The following TSC2 variants were observed in gnomAD, a reference collection of about 807,000 sequenced individuals.
TSC2 encodes the protein TSC complex subunit 2.
A neutral mutation model predicts 202.2 loss-of-function variants in TSC2; 29 were observed. That is an observed-to-expected ratio of 0.14 (90% confidence interval 0.11 to 0.20). TSC2 has a LOEUF of 0.20. Ranked by LOEUF, TSC2 falls within the 10% of genes least tolerant of loss-of-function variation. The pLI is 1.00. For synonymous variants in TSC2, 1,349 were observed against 1,044.0 expected, an observed-to-expected ratio of 1.29 and a Z score of -5.63; for missense variants, 2,429 against 2,420.0, an observed-to-expected ratio of 1.00 and a Z score of -0.08.
chr16:2,064,139 T>G, intron 14 of TSC2, 133 bp from the exon 15 acceptor site: 5 of 1,441,704 alleles, frequency 3.5e-6, no homozygotes, highest in Non-Finnish European at 4.8e-6. Flanking sequence ...GTGCTTGTGC[T>G]CTCTGCCCAG....
In TSC2 at chr16:2,087,949, C is replaced by G. The variant is rs747827911; in HGVS notation, c.5068+8C>G. 1.2e-6 allele frequency: 2 copies of G among 1,605,020 alleles called. No homozygotes were observed. The highest frequency in any genetic ancestry group is 1.7e-6 in the Non-Finnish European group (2 of 1,174,444). Reference sequence around the variant, plus strand: ...CCCTGCAGTGCAGGAAAGGTAGGGCCGGGTGGGGCCCTGCAGTGCAGGAAA... The same window carrying G: ...CCCTGCAGTGCAGGAAAGGTAGGGCGGGGTGGGGCCCTGCAGTGCAGGAAA... On this transcript the variant is annotated splice_region_variant and intron_variant, in intron 39 of 41. Transcript: ENST00000219476.
chr16:2,072,977 C>G lies in TSC2; in HGVS notation c.2349C>G (p.Thr783=). ...CTTACCATAACTACCTGGACAAAAC[C>G]AAACAGGTAGGAGGTCAGAGCAGGA... ...LISYHNYLDK[T]KQREMVYCLE... The change falls in exon 21 of 42, where the codon ACC becomes ACG. Residue 783 remains threonine, a synonymous_variant. Coordinates refer to ENST00000219476, the MANE Select transcript of TSC2 (RefSeq NM_000548.5). 6.2e-7 allele frequency: 1 copy of G among 1,613,514 alleles called. No individual in the cohort carries two copies. The highest frequency in any genetic ancestry group is 2.2e-5 in the East Asian group (1 of 44,896).
chr16:2,065,494 G>GT (rs914332819), intron 15 of TSC2, 25 bp from the exon 16 acceptor site: 2 of 1,572,496 alleles, frequency 1.3e-6, no homozygotes, highest in Non-Finnish European at 1.7e-6. Flanking sequence ...GAGCCTGTGT[G>GT]TAAGTCCTGG....
At position 2,083,031 on chromosome 16, in the gene TSC2, C is replaced by T. The variant is rs376632065; in HGVS notation, c.3883+527C>T. The T allele has an allele frequency of 1.8e-5, 8 of 444,802 alleles. 1 individual carries two copies. Among genetic ancestry groups the T allele is most frequent in the Non-Finnish European group, 2.7e-5 (6 of 220,604 alleles). 27.6% of individuals were successfully genotyped at this position (444,802 alleles called of 1,614,324 possible). A position where few individuals can be genotyped will look rare whatever the true frequency, so the allele number is the denominator to read the frequency against. On this transcript the variant is annotated intron_variant, in intron 32 of 41. Transcript: ENST00000219476. ...ATGGTGCTCCCCTGCCAGGTCTCCA[C>T]GTGCAGACGAGCTGGTTTGGAAGGG...
At chr16:2,087,762 C>T (rs1223814562) in intron 38 of TSC2, 101 bp from the exon 39 acceptor site, 10 of 1,404,024 alleles carry the variant, frequency 7.1e-6, no homozygotes, top group Middle Eastern at 2.0e-4. Flanking sequence ...AGATGCTGCC[C>T]ATGGAGCTGA....
At chr16:2,082,903 A>T in intron 32 of TSC2, 1 of 384,848 alleles carries the variant, frequency 2.6e-6, no homozygotes, top group Non-Finnish European at 5.0e-6. Flanking sequence ...TGGCCTCTGG[A>T]ACCCACAGAT....
chr16:2,088,089 T>A lies in TSC2; in HGVS notation c.5110T>A (p.Ser1704Thr), dbSNP rs45474691. ...GGACACCAGCGTGGCCAAGATCGTG[T>A]CTGACCGCAACCTGCCCTTCGTGGC... ...LVDTSVAKIVSDRNLPFVARQ... is the reference protein window; with the variant it reads ...LVDTSVAKIVTDRNLPFVARQ... The change falls in exon 40 of 42, where the codon TCT (serine) becomes ACT (threonine). Residue 1704 changes from serine to threonine, a missense_variant. Coordinates refer to ENST00000219476, the MANE Select transcript of TSC2 (RefSeq NM_000548.5). The A allele has an allele frequency of 1.7e-5, 27 of 1,612,736 alleles. No individual in the cohort carries two copies. The highest frequency in any genetic ancestry group is 2.2e-5 in the Non-Finnish European group (26 of 1,180,012).
chr16:2,056,465 G>T (rs1237429839), intron 7 of TSC2, among the ~76,000 whole-genome samples, 179 bp from the exon 8 acceptor site: 1 of 152,260 alleles, frequency 6.6e-6, no homozygotes, highest in East Asian at 1.9e-4. Flanking sequence ...GACCCACAGT[G>T]ACAGGGACGT....
intron 11 of TSC2, chr16:2,061,439 T>G (rs1596301807): frequency 3.0e-6 from 1 of 332,654 alleles, no homozygotes; most frequent in Non-Finnish European, 5.9e-6. Context: ...GTGGCAGAGG[T>G]CATAGCCTGG....
At chr16:2,076,405 C>G in intron 24 of TSC2, 86 bp from the exon 25 acceptor site, 1 of 1,596,490 alleles carries the variant, frequency 6.3e-7, no homozygotes, top group Non-Finnish European at 8.6e-7. Flanking sequence ...CAGCTTGTCC[C>G]TGGCCAGGGG....
chr16:2,077,858 C>G (rs1045629615), intron 26 of TSC2, 132 bp downstream of exon 26: 37 of 1,486,044 alleles, frequency 2.5e-5, no homozygotes, highest in Non-Finnish European at 2.5e-5. Context: ...CAGGGGGAGC[C>G]GGTGACGAGG....
In TSC2 at chr16:2,088,872, TGCGCGC is replaced by T. The variant is rs561630495; in HGVS notation, c.*267_*272del. The T allele has an allele frequency of 4.2e-5, 21 of 500,404 alleles. No homozygotes were observed. Among genetic ancestry groups the T allele is most frequent in the Admixed American group, 7.0e-5 (2 of 28,640 alleles). 31.0% of individuals were successfully genotyped at this position (500,404 alleles called of 1,614,324 possible). On this transcript the variant is annotated 3_prime_UTR_variant, in exon 42 of 42. Transcript: ENST00000219476. ...CTGGGCCATACAGCACACTCGCGCG[TGCGCGC>T]GCGCACACACACACACACACAGTCA...
intron 3 of TSC2, among the ~76,000 whole-genome samples, chr16:2,051,091 C>T (rs753295212): frequency 4.0e-5 from 6 of 151,424 alleles, no homozygotes; most frequent in African/African-American, 7.3e-5. Context: ...TTTGGGAGGC[C>T]GAGGTGGGTG....
At chr16:2,077,285 C>T (rs2089526918) in intron 25 of TSC2, 2 of 402,768 alleles carry the variant, frequency 5.0e-6, no homozygotes, top group Non-Finnish European at 4.7e-6. Context: ...CTGGCCAGCA[C>T]AGCCTGGAAT....
In TSC2 at chr16:2,065,584, C is replaced by T. The variant is rs2151208963; in HGVS notation, c.1665C>T (p.Ala555=). The change falls in exon 16 of 42, where the codon GCC becomes GCT. Residue 555 remains alanine, a synonymous_variant. Coordinates refer to ENST00000219476, the MANE Select transcript of TSC2 (RefSeq NM_000548.5). ...AAAGGGATGTGGCCGCATACTCGGCCTCCTTGGAGGATGTGAAGACAGCCG... is the reference window on the plus strand; with the variant it reads ...AAAGGGATGTGGCCGCATACTCGGCTTCCTTGGAGGATGTGAAGACAGCCG... ...LEERDVAAYS[A]SLEDVKTAVL... is the part of the protein sequence containing the mutation. The T allele has an allele frequency of 1.9e-6, 3 of 1,613,914 alleles. No homozygotes were observed. Among genetic ancestry groups the T allele is most frequent in the South Asian group, 1.1e-5 (1 of 91,088 alleles).
At chr16:2,049,426 C>T (rs1419366720) in intron 2 of TSC2, among the ~76,000 whole-genome samples, 3 of 152,114 alleles carry the variant, frequency 2.0e-5, no homozygotes, top group African/African-American at 4.8e-5. Flanking sequence ...CTTTGTCACA[C>T]ATGCCTGGCA....
In TSC2 at chr16:2,086,297, G is replaced by C. The variant is rs769246304; in HGVS notation, c.4767G>C (p.Pro1589=). The C allele has an allele frequency of 6.2e-7, 1 of 1,612,888 alleles. No individual in the cohort carries two copies. The highest frequency in any genetic ancestry group is 1.7e-5 in the Admixed American group (1 of 60,020). Residue 1589 remains proline (P), a synonymous_variant, in exon 37 of 42, where the codon CCG becomes CCC. Coordinates refer to ENST00000219476, the MANE Select transcript of TSC2 (RefSeq NM_000548.5). The part of the protein sequence containing the change: ...GRLIELKDCQ[P]DKVYLGGLDV... ...TCATCGAGCTGAAGGACTGCCAGCC[G>C]GACAAGGTGTACCTGGGAGGCCTGG...
At chr16:2,053,955 ACTCAGGCCTTGTC>A in intron 4 of TSC2, 1 of 445,854 alleles carries the variant, frequency 2.2e-6, no homozygotes, top group Non-Finnish European at 4.2e-6. Flanking sequence ...GGTTTCCCCC[ACTCAGGCCTTGTC>A]CTCAGTCTCT....
chr16:2,086,392 G>A lies in TSC2; in HGVS notation c.4849+13G>A, dbSNP rs780953278. 2.5e-5 allele frequency: 41 copies of A among 1,610,338 alleles called. No individual in the cohort carries two copies. The highest frequency in any genetic ancestry group is 1.1e-4 in the South Asian group (10 of 90,776). On this transcript the variant is annotated intron_variant, in intron 37 of 41. Transcript: ENST00000219476. ...GACATCATGCAAGGTACGGCCTGGC[G>A]CCTACCCGCTCCTGCTGCCCCAGGC...
Sources: allele counts gnomAD v4.1 joint callset (sites outside exome capture counted in the v4.1 genomes callset), GRCh38; gene constraint gnomAD v4.1.1; transcripts MANE v1.5; gene names NCBI Gene and HGNC (gene_info 2026-07-23, HGNC 2026-07-21).